The following ADGRG2 variants were observed in gnomAD, a reference collection of about 807,000 sequenced individuals.
ADGRG2 encodes adhesion G protein-coupled receptor G2.
A neutral mutation model predicts 74.1 loss-of-function variants in ADGRG2; 26 were observed. The observed-to-expected ratio is 0.35, with a 90% CI of 0.26 to 0.49. ADGRG2 has a LOEUF of 0.49. Ranked by LOEUF, ADGRG2 falls within the 20% of genes least tolerant of loss-of-function variation. The pLI is 0.99. For missense variants in ADGRG2, 619 were observed against 763.1 expected (o/e 0.81, Z 2.22); for synonymous variants, 296 against 295.2 (o/e 1.00, Z -0.03).
At chrX:18,999,333 A>G in intron 25 of ADGRG2, 54 bp from the exon 26 acceptor site, 1 of 976,404 alleles carries the variant, frequency 1.0e-6, no homozygotes, top group Non-Finnish European at 1.4e-6. Context: ...GTAATGAACT[A>G]GAGTTCAAAA....
chrX:19,107,734 A>C, intron 1 of ADGRG2, among the ~76,000 whole-genome samples: 1 of 108,287 alleles, frequency 9.2e-6, no homozygotes. Flanking sequence ...TTCTTAAGAT[A>C]TTTTAAAATG....
At chrX:19,039,469 CAT>C (rs751980668) in intron 4 of ADGRG2, among the ~76,000 whole-genome samples, 5 of 112,343 alleles carry the variant, frequency 4.5e-5, no homozygotes, top group African/African-American at 1.6e-4. Flanking sequence ...ACTCACTCCC[CAT>C]CATAAAAGAT....
chrX:19,028,383 A>G, intron 9 of ADGRG2, 145 bp from the exon 10 acceptor site: 2 of 329,410 alleles, frequency 6.1e-6, no homozygotes, highest in Non-Finnish European at 1.1e-5. Context: ...TTACTCAACT[A>G]TTATCAATAT....
chrX:19,092,410 A>AG (rs1182665614), intron 1 of ADGRG2, among the ~76,000 whole-genome samples: 1 of 99,916 alleles, frequency 1.0e-5, no homozygotes, highest in Non-Finnish European at 2.0e-5. Context: ...AAATTGGGGG[A>AG]GGGGGTGAAA....
intron 1 of ADGRG2, among the ~76,000 whole-genome samples, chrX:19,092,901 A>G (rs2062035642): frequency 8.9e-6 from 1 of 111,954 alleles, no homozygotes; most frequent in Admixed American, 9.5e-5. Flanking sequence ...CCCTGCAAAG[A>G]AAGGCAGGAT....
intron 4 of ADGRG2, 47 bp downstream of exon 4, chrX:19,040,142 A>C (rs779731956): frequency 2.8e-5 from 25 of 883,225 alleles, no homozygotes; most frequent in Non-Finnish European, 4.2e-5. Flanking sequence ...GAACTTACAG[A>C]ATAATATTTT....
intron 23 of ADGRG2, among the ~76,000 whole-genome samples, chrX:19,004,430 A>G (rs188092940): frequency 0.011 from 1,242 of 112,376 alleles, 8 homozygotes; most frequent in Non-Finnish European, 0.018. Flanking sequence ...TATGCTGTAC[A>G]TGGTGCTGTG....
intron 1 of ADGRG2, among the ~76,000 whole-genome samples, chrX:19,116,506 C>CAAAAAAAAAAAAAAA (rs10677696): frequency 1.2e-4 from 3 of 24,017 alleles, no homozygotes; most frequent in African/African-American, 4.0e-4. Context: ...GATTCCGTCT[C>CAAAAAAAAAAAAAAA]AAAAAAAAAA....
chrX:19,111,586 A>C (rs1249752961), intron 1 of ADGRG2, among the ~76,000 whole-genome samples: 1 of 112,120 alleles, frequency 8.9e-6, no homozygotes, highest in African/African-American at 3.2e-5. Flanking sequence ...TGATGGCTGT[A>C]TTTGCCAATG....
At chrX:19,037,540 C>CT in intron 5 of ADGRG2, 49 bp downstream of exon 5, 2 of 1,150,787 alleles carry the variant, frequency 1.7e-6, no homozygotes, top group Non-Finnish European at 2.4e-6. Flanking sequence ...TAAAACAAAA[C>CT]TTTAACAAAT....
At position 19,014,133 on chromosome X, in the gene ADGRG2, G is replaced by T. The variant is rs762922975; in HGVS notation, c.711-59C>A. ...CACGAATGAGCTACAGAGGGGGCAA[G>T]TCTTTCCCCTCTGGCAATCATCTGA... is the stretch of plus-strand genomic sequence containing the variant. On this transcript the variant is annotated intron_variant, in intron 15 of 28. Coordinates refer to ENST00000379869, the MANE Select transcript of ADGRG2 (RefSeq NM_001079858.3). 1.6e-4 allele frequency: 146 copies of T among 923,149 alleles called. 2 individuals carry two copies. In the South Asian group the frequency reaches 3.4e-3, roughly 22 times the overall value. The allele number at this position is 923,149 out of a possible 1,213,427, so 76.1% of individuals were successfully genotyped here.
At chrX:19,007,896 T>C (rs765139809) in intron 19 of ADGRG2, 84 bp downstream of exon 19, 422 of 841,348 alleles carry the variant, frequency 5.0e-4, no homozygotes, top group Non-Finnish European at 6.7e-4. Flanking sequence ...ACGGCAGCCT[T>C]AAGAATATTC....
chrX:19,035,998 T>A (rs1378732743), intron 6 of ADGRG2, 21 bp from the exon 7 acceptor site: 3 of 823,930 alleles, frequency 3.6e-6, no homozygotes, highest in Admixed American at 2.6e-5. Flanking sequence ...ATAATAAAAA[T>A]TAGCATAACT....
intron 16 of ADGRG2, among the ~76,000 whole-genome samples, chrX:19,012,096 A>G (rs992280609): frequency 8.9e-6 from 1 of 112,076 alleles, no homozygotes; most frequent in Non-Finnish European, 1.9e-5. Flanking sequence ...AATGCCCCCA[A>G]GTTTCTGTAT....
chrX:19,053,842 G>T (rs1236949821), intron 3 of ADGRG2, among the ~76,000 whole-genome samples: 1 of 111,633 alleles, frequency 9.0e-6, no homozygotes, highest in Non-Finnish European at 1.9e-5. Flanking sequence ...GGTGGAAGAG[G>T]AAGGAAGAGC....
At chrX:19,002,737 G>C in intron 24 of ADGRG2, 109 bp downstream of exon 24, 1 of 768,341 alleles carries the variant, frequency 1.3e-6, no homozygotes, top group Non-Finnish European at 1.9e-6. Flanking sequence ...AGCTGTTTTA[G>C]AAACTTGCTG....
Position 19,035,925 on chromosome X carries a change from A to T in ADGRG2, c.262+17T>A. ...CTGCAGAAGAAGCTATTACATTTAG[A>T]AATCACTTGATATTACCTGTTTCGT... On this transcript the variant is annotated intron_variant, in intron 7 of 28. Transcript: ENST00000379869. 1.1e-6 allele frequency: 1 copy of T among 899,558 alleles called. No individual in the cohort carries two copies. Among genetic ancestry groups the T allele is most frequent in the Non-Finnish European group, 1.6e-6 (1 of 624,094 alleles). The allele number at this position is 899,558 out of a possible 1,213,427, so 74.1% of individuals were successfully genotyped here. A position where few individuals can be genotyped will look rare whatever the true frequency, so the allele number is the denominator to read the frequency against.
At chrX:19,054,002 G>A (rs949748020) in intron 3 of ADGRG2, among the ~76,000 whole-genome samples, 3 of 111,669 alleles carry the variant, frequency 2.7e-5, no homozygotes, top group Non-Finnish European at 5.6e-5. Context: ...ATCTCCCACC[G>A]GGTCCCTCCT....
At chrX:19,013,025 G>A (rs142586516) in intron 16 of ADGRG2, among the ~76,000 whole-genome samples, 1,594 of 111,133 alleles carry the variant, frequency 0.014, 64 homozygotes, top group Admixed American at 0.11. Flanking sequence ...TTTGATCCTC[G>A]CATAGAACAG....
Sources: gnomAD v4.1 joint callset for allele counts (sites outside exome capture counted in the v4.1 genomes callset) on GRCh38, gnomAD v4.1.1 for gene constraint, MANE v1.5 for transcripts, NCBI Gene and HGNC (gene_info 2026-07-23, HGNC 2026-07-21) for gene names.